The following SLC35F3 variants were observed in gnomAD, a reference collection of about 807,000 sequenced individuals.
The protein encoded by SLC35F3 is solute carrier family 35 member F3, also known as putative thiamine transporter SLC35F3.
Under a neutral mutation model 49.9 loss-of-function variants are expected in SLC35F3, and 25 were observed. That is an observed-to-expected ratio of 0.50 (90% CI 0.37 to 0.70). The LOEUF (loss-of-function observed/expected upper bound fraction) is 0.70, where lower values mean the gene tolerates loss of function less well. Ranked by LOEUF, SLC35F3 falls within the 30% of genes least tolerant of loss-of-function variation. The pLI is 0.00. For missense variants in SLC35F3, 525 were observed against 639.8 expected, an observed-to-expected ratio of 0.82 and a Z score of 1.94; for synonymous variants, 275 against 265.4, an observed-to-expected ratio of 1.04 and a Z score of -0.35.
intron 2 of SLC35F3, among the ~76,000 whole-genome samples, chr1:234,036,679 C>G (rs764429355): frequency 3.3e-5 from 5 of 152,218 alleles, no homozygotes; most frequent in Non-Finnish European, 7.3e-5. Context: ...GGACAGTACT[C>G]TTATTGCTGG....
chr1:233,980,133 T>C (rs1421957178), intron 2 of SLC35F3, among the ~76,000 whole-genome samples: 1 of 152,216 alleles, frequency 6.6e-6, no homozygotes, highest in Non-Finnish European at 1.5e-5. Context: ...CACACAGCCT[T>C]GTGAAGAACA....
intron 2 of SLC35F3, 136 bp downstream of exon 2, chr1:233,905,894 G>A: frequency 1.3e-6 from 1 of 793,614 alleles, no homozygotes; most frequent in Non-Finnish European, 2.0e-6. Flanking sequence ...ACCCAGGTTT[G>A]CAACTTCGAG....
chr1:234,185,435 C>T (rs538833901), intron 2 of SLC35F3, among the ~76,000 whole-genome samples: 51 of 152,328 alleles, frequency 3.3e-4, no homozygotes, highest in African/African-American at 1.1e-3. Flanking sequence ...CTAGCAAATA[C>T]ATTTCATTTT....
At chr1:234,196,489 C>G (rs1666813899) in intron 2 of SLC35F3, among the ~76,000 whole-genome samples, 1 of 152,220 alleles carries the variant, frequency 6.6e-6, no homozygotes, top group Non-Finnish European at 1.5e-5. Flanking sequence ...AGCCAAGAGC[C>G]CTCCTGGCAC....
intron 2 of SLC35F3, among the ~76,000 whole-genome samples, chr1:234,114,558 A>C (rs10797528): frequency 6.6e-6 from 1 of 151,988 alleles, no homozygotes; most frequent in Non-Finnish European, 1.5e-5. Context: ...TGTTTTTGCT[A>C]TTCTCCACTT....
At chr1:234,270,189 C>T (rs1192257880) in intron 3 of SLC35F3, among the ~76,000 whole-genome samples, 3 of 152,198 alleles carry the variant, frequency 2.0e-5, no homozygotes, top group Non-Finnish European at 2.9e-5. Context: ...TTCATTCCTA[C>T]ATGTGGATTT....
chr1:234,068,823 T>TTTTATATATATATATATA (rs1553302354), intron 2 of SLC35F3, among the ~76,000 whole-genome samples: 1 of 71,184 alleles, frequency 1.4e-5, no homozygotes, highest in African/African-American at 5.9e-5. Context: ...ATTTGAGACA[T>TTTTATATATATATATATA]TATATATATA....
intron 3 of SLC35F3, among the ~76,000 whole-genome samples, chr1:234,292,298 G>A (rs918387576): frequency 3.3e-5 from 5 of 152,212 alleles, no homozygotes; most frequent in African/African-American, 1.2e-4. Flanking sequence ...CAGATCAGCA[G>A]GGTCTTGATT....
chr1:234,135,035 T>C (rs1420454484), intron 2 of SLC35F3, among the ~76,000 whole-genome samples: 1 of 152,176 alleles, frequency 6.6e-6, no homozygotes, highest in African/African-American at 2.4e-5. Flanking sequence ...TGGTATTTTC[T>C]AATTTGCATC....
At chr1:234,058,343 T>A (rs970058969) in intron 2 of SLC35F3, among the ~76,000 whole-genome samples, 10 of 135,764 alleles carry the variant, frequency 7.4e-5, no homozygotes, top group African/African-American at 2.9e-4. Flanking sequence ...TTTTTTTTTT[T>A]TTTTTTTTTT....
intron 2 of SLC35F3, among the ~76,000 whole-genome samples, chr1:233,992,928 G>C (rs567411098): frequency 6.6e-6 from 1 of 152,196 alleles, no homozygotes; most frequent in Admixed American, 6.5e-5. Flanking sequence ...CTGGGCCCCT[G>C]TGGCAGCTCC....
At chr1:234,065,538 A>G (rs879760532) in intron 2 of SLC35F3, among the ~76,000 whole-genome samples, 1 of 152,182 alleles carries the variant, frequency 6.6e-6, no homozygotes, top group East Asian at 1.9e-4. Flanking sequence ...TACAAGATTT[A>G]CTTTTATACA....
At chr1:234,125,118 C>A (rs1460016914) in intron 2 of SLC35F3, among the ~76,000 whole-genome samples, 1 of 152,056 alleles carries the variant, frequency 6.6e-6, no homozygotes, top group Admixed American at 6.5e-5. Flanking sequence ...GTGTCACCAT[C>A]CTATCCCGCC....
intron 2 of SLC35F3, among the ~76,000 whole-genome samples, chr1:234,176,360 G>C (rs1280977259): frequency 1.3e-5 from 2 of 152,208 alleles, no homozygotes; most frequent in African/African-American, 4.8e-5. Context: ...TGTTCATAGA[G>C]TGGAAAAGCC....
At chr1:234,311,862 T>G (rs1393561703) in intron 4 of SLC35F3, among the ~76,000 whole-genome samples, 1 of 152,230 alleles carries the variant, frequency 6.6e-6, no homozygotes, top group Non-Finnish European at 1.5e-5. Flanking sequence ...CTTGGCTCCA[T>G]TGTTATAAGC....
In SLC35F3 at chr1:234,242,580, A is replaced by G. The variant is rs116356389; in HGVS notation, c.608+10839A>G. ...TGGCCAGAGGAATCTCCCTTTTCTGATATTTGGGCAAGTTCTATTCATATG... is the reference window on the plus strand; with the variant it reads ...TGGCCAGAGGAATCTCCCTTTTCTGGTATTTGGGCAAGTTCTATTCATATG... On this transcript the variant is annotated intron_variant, in intron 3 of 7. Transcript: ENST00000366618. Among the ~76,000 whole-genome samples the G allele has an allele frequency of 3.8e-3, 583 of 152,324 alleles. 8 individuals are homozygous for G. The highest frequency in any genetic ancestry group is 1.9e-3 in the Non-Finnish European group (128 of 68,042).
intron 2 of SLC35F3, among the ~76,000 whole-genome samples, chr1:234,108,405 A>G (rs914944743): frequency 1.8e-5 from 2 of 110,250 alleles, no homozygotes; most frequent in African/African-American, 6.7e-5. Context: ...ATATTTATAT[A>G]TATGATATAT....
At chr1:234,089,134 C>T (rs1320698315) in intron 2 of SLC35F3, among the ~76,000 whole-genome samples, 2 of 151,684 alleles carry the variant, frequency 1.3e-5, no homozygotes, top group Non-Finnish European at 2.9e-5. Context: ...TTAAGAAGAA[C>T]TTGGATTTAA....
At chr1:233,920,643 C>G (rs767965175) in intron 2 of SLC35F3, among the ~76,000 whole-genome samples, 8 of 152,204 alleles carry the variant, frequency 5.3e-5, no homozygotes, top group African/African-American at 1.2e-4. Flanking sequence ...AACTTCTAAG[C>G]AAAAGAATAT....
Sources: gnomAD v4.1 joint callset for allele counts (sites outside exome capture counted in the v4.1 genomes callset) on GRCh38, gnomAD v4.1.1 for gene constraint, MANE v1.5 for transcripts, NCBI Gene and HGNC (gene_info 2026-07-23, HGNC 2026-07-21) for gene names.